CFAP92: variants seen among roughly 807,000 people sequenced by gnomAD.
CFAP92 encodes cilia and flagella associated protein 92 (putative), also known as uncharacterized protein CFAP92.
In CFAP92, 86 loss-of-function variants were observed where a neutral mutation model predicts 106.3. The observed-to-expected ratio is 0.81, with a 90% CI of 0.68 to 0.97. The LOEUF is 0.97. Among genes scored for constraint, CFAP92 ranks in the 50% least tolerant of loss-of-function variants. CFAP92 has a pLI of 0.00. For synonymous variants in CFAP92, 477 were observed against 506.4 expected (o/e 0.94, Z 0.78); for missense variants, 1,204 against 1,283.8 (o/e 0.94, Z 0.95).
In CFAP92 at chr3:128,971,396, C is replaced by T. The variant is rs1167081660; in HGVS notation, c.1059G>A (p.Gln353=). 1 of 1,612,442 alleles carries T rather than the reference C, an allele frequency of 6.2e-7. No homozygotes were observed. Among genetic ancestry groups the T allele is most frequent in the Non-Finnish European group, 8.5e-7 (1 of 1,179,256 alleles). Residue 353 remains glutamine (Q), a synonymous_variant, in exon 8 of 16, where the codon CAG becomes CAA. Transcript: ENST00000645291. The stretch of plus-strand genomic sequence containing the variant: ...CTGCCAGGGGCTTCTTATGTCTCCT[C>T]TGGATTTTCCTTCTTCCCTCTGAAT... The part of the protein sequence containing the change: ...GKDSEGRRKI[Q]RRHKKPLAEE...
chr3:128,927,972 G>A (rs963624297), intron 12 of CFAP92, among the ~76,000 whole-genome samples: 18 of 152,146 alleles, frequency 1.2e-4, no homozygotes, highest in African/African-American at 2.4e-4. Context: ...TAAAATCCCC[G>A]CCAGGTGCGG....
At chr3:128,916,392 A>G (rs1936821264) in intron 12 of CFAP92, 121 bp from the exon 13 acceptor site, 3 of 612,840 alleles carry the variant, frequency 4.9e-6, no homozygotes, top group Non-Finnish European at 7.1e-6. Context: ...TGATTCTTCA[A>G]TACTGGTGCT....
chr3:128,932,963 A>G lies in CFAP92; in HGVS notation c.2488T>C (p.Trp830Arg). ...HDICYNSTTLWDVTVRDLLPS... is the reference protein window; with the variant it reads ...HDICYNSTTLRDVTVRDLLPS... Reference sequence around the variant, plus strand: ...AGCAGGTCCCTCACCGTCACGTCCCAGAGGGTGGTGCTGTTATAGCAGATG... The same window carrying G: ...AGCAGGTCCCTCACCGTCACGTCCCGGAGGGTGGTGCTGTTATAGCAGATG... Residue 830 changes from tryptophan to arginine, a missense_variant, in exon 12 of 16, where the codon TGG becomes CGG. By Grantham distance (101) the Trp-to-Arg change is moderately radical. Transcript: ENST00000645291. The G allele has an allele frequency of 6.5e-7, 1 of 1,536,164 alleles. No homozygotes were observed. Among genetic ancestry groups the G allele is most frequent in the Non-Finnish European group, 8.7e-7 (1 of 1,146,920 alleles).
chr3:128,928,845 AAAAAG>A (rs1438127022), intron 12 of CFAP92, among the ~76,000 whole-genome samples: 32 of 152,214 alleles, frequency 2.1e-4, no homozygotes, highest in Admixed American at 5.9e-4. Flanking sequence ...CATTAAGAAA[AAAAAG>A]AAAAGCCACA....
intron 8 of CFAP92, chr3:128,969,694 G>A (rs1483998736): frequency 6.6e-6 from 1 of 152,262 alleles, no homozygotes; most frequent in East Asian, 1.9e-4. Context: ...AAGCGGGGCA[G>A]GTCCCATGGT....
At chr3:128,929,032 A>G (rs568042304) in intron 12 of CFAP92, among the ~76,000 whole-genome samples, 2 of 152,310 alleles carry the variant, frequency 1.3e-5, no homozygotes, top group East Asian at 3.9e-4. Flanking sequence ...CCAACGTGGG[A>G]GGACTGCCTG....
chr3:128,992,159 G>T (rs1340828513), intron 2 of CFAP92, among the ~76,000 whole-genome samples: 2 of 152,230 alleles, frequency 1.3e-5, no homozygotes, highest in African/African-American at 4.8e-5. Flanking sequence ...AGGTTCCTGT[G>T]TGCAGCCATG....
chr3:128,975,258 G>A (rs1476722126), intron 7 of CFAP92, among the ~76,000 whole-genome samples: 2 of 152,110 alleles, frequency 1.3e-5, no homozygotes, highest in African/African-American at 2.4e-5. Flanking sequence ...ACAAAGAATT[G>A]TAATTCTTTA....
intron 12 of CFAP92, among the ~76,000 whole-genome samples, chr3:128,922,539 A>G (rs986350831): frequency 6.6e-6 from 1 of 152,170 alleles, no homozygotes; most frequent in East Asian, 1.9e-4. Context: ...CAGAAGACCT[A>G]TTTGTACAGT....
chr3:128,942,805 CCA>C (rs1939779307), intron 10 of CFAP92, among the ~76,000 whole-genome samples: 1 of 151,932 alleles, frequency 6.6e-6, no homozygotes, highest in Admixed American at 6.6e-5. Flanking sequence ...TCCCAAGTTC[CCA>C]AGTAGCTGGG....
the CFAP92 span, among the ~76,000 whole-genome samples, chr3:129,016,398 C>T: frequency 2.6e-5 from 4 of 152,118 alleles, no homozygotes; most frequent in Non-Finnish European, 5.9e-5. Context: ...TTCTGAAGGA[C>T]TTTATGACAA....
intron 1 of CFAP92, 54 bp from the exon 2 acceptor site, chr3:128,993,390 G>A: frequency 2.0e-6 from 3 of 1,513,282 alleles, no homozygotes; most frequent in Non-Finnish European, 2.7e-6. Context: ...GCTGCTCCAG[G>A]AGGTAAGCCC....
In CFAP92 at chr3:128,924,183, T is replaced by G. The variant is rs544639060; in HGVS notation, c.2752-7912A>C. 8.5e-5 allele frequency among the ~76,000 whole-genome samples: 13 copies of G among 152,228 alleles called. No individual in the cohort carries two copies. In the South Asian group the frequency reaches 2.5e-3, roughly 29 times the overall value. ...CAGGACTTGCATGTCTGATATAATG[T>G]AAAAGAGTCTTGGAACATGTCTGGG... On this transcript the variant is annotated intron_variant, in intron 12 of 15. Transcript: ENST00000645291.
chr3:128,956,196 T>TAAAAAAAAAAAAAAAAAAAA (rs577724635), intron 9 of CFAP92, among the ~76,000 whole-genome samples: 1 of 61,704 alleles, frequency 1.6e-5, no homozygotes, highest in Admixed American at 1.5e-4. Context: ...AAAAAAAAAA[T>TAAAAAAAAAAAAAAAAAAAA]AAAAAAAAAA....
rs906363991 is a variant in CFAP92 at position 128,945,197 on chromosome 3, A to G, written c.2132T>C (p.Val711Ala). ...CACATCCAGGTGCTGCTGCTCCTGG[A>G]CCCGCACACGCACCTTGAAGGCTGA... The part of the protein sequence containing the change: ...ILSAFKVRVR[V>A]QEQQHLDVLT... Residue 711 changes from valine (V) to alanine (A), a missense_variant, in exon 10 of 16, where the codon GTC becomes GCC. Physicochemically the swap from Val to Ala is moderately conservative, Grantham distance 64. Coordinates refer to ENST00000645291, the MANE Select transcript of CFAP92 (RefSeq NM_001394090.1). The G allele has an allele frequency of 6.5e-7, 1 of 1,536,054 alleles. No homozygotes were observed. Among genetic ancestry groups the G allele is most frequent in the Non-Finnish European group, 8.7e-7 (1 of 1,146,906 alleles).
intron 1 of CFAP92, among the ~76,000 whole-genome samples, chr3:128,999,147 C>G (rs1944589520): frequency 2.0e-5 from 3 of 152,182 alleles, no homozygotes; most frequent in Middle Eastern, 3.2e-3. Context: ...CCCTGACTCT[C>G]TCCCACACAG....
intron 12 of CFAP92, among the ~76,000 whole-genome samples, chr3:128,930,100 G>C (rs1378298231): frequency 1.3e-5 from 2 of 152,152 alleles, no homozygotes; most frequent in Admixed American, 6.5e-5. Flanking sequence ...ATTTGTAAGA[G>C]ATAGGGGGCT....
intron 15 of CFAP92, chr3:128,912,477 T>A: frequency 6.3e-7 from 1 of 1,592,202 alleles, no homozygotes; most frequent in Non-Finnish European, 8.6e-7. Flanking sequence ...TGCAGAAAGA[T>A]CACCCACCAT....
chr3:128,971,085 G>T, intron 8 of CFAP92: 2 of 683,768 alleles, frequency 2.9e-6, no homozygotes, highest in Non-Finnish European at 4.8e-6. Flanking sequence ...TCCTAGCTGT[G>T]TGATCTCAGG....
Sources: allele counts gnomAD v4.1 joint callset (sites outside exome capture counted in the v4.1 genomes callset), GRCh38; gene constraint gnomAD v4.1.1; transcripts MANE v1.5; gene names NCBI Gene and HGNC (gene_info 2026-07-23, HGNC 2026-07-21).